GOLM1: variants seen among roughly 807,000 people sequenced by gnomAD.
The protein encoded by GOLM1 is golgi membrane protein 1.
Under a neutral mutation model 50.5 loss-of-function variants are expected in GOLM1, and 31 were observed. That is an observed-to-expected ratio of 0.61 (90% CI 0.46 to 0.83). The LOEUF (loss-of-function observed/expected upper bound fraction) is 0.83, where lower values mean the gene tolerates loss of function less well. Ranked by LOEUF, GOLM1 falls within the 40% of genes least tolerant of loss-of-function variation. The pLI, the probability that GOLM1 is intolerant of heterozygous loss-of-function variation, is 0.00. For missense variants in GOLM1, 491 were observed against 501.3 expected, an observed-to-expected ratio of 0.98 and a Z score of 0.20; for synonymous variants, 178 against 192.8, an observed-to-expected ratio of 0.92 and a Z score of 0.64.
chr9:86,098,957 C>A (rs928624258), intron 1 of GOLM1, among the ~76,000 whole-genome samples: 3 of 152,180 alleles, frequency 2.0e-5, no homozygotes, highest in Non-Finnish European at 4.4e-5. Context: ...GAAGAGGCGG[C>A]GGGAGCCGAG....
chr9:86,040,625 C>T (rs1833310640), intron 6 of GOLM1, 114 bp downstream of exon 6: 1 of 978,160 alleles, frequency 1.0e-6, no homozygotes, highest in Non-Finnish European at 1.5e-6. Flanking sequence ...CTCAGGGAGC[C>T]AAGCCCGCAA....
intron 8 of GOLM1, among the ~76,000 whole-genome samples, chr9:86,034,050 C>T (rs1359013179): frequency 1.3e-5 from 2 of 151,516 alleles, no homozygotes; most frequent in East Asian, 3.9e-4. Context: ...CTGCAACCTC[C>T]GCCTCCGGGG....
chr9:86,026,257 A>G lies in GOLM1; in HGVS notation c.*1560T>C. On this transcript the variant is annotated 3_prime_UTR_variant, in exon 10 of 10. Transcript: ENST00000388712. ...GAGAAAATTCCTATCAACCCCAAGG[A>G]GGACTCAAAGTGAGGCTGGAAGAGG... 1 of 985,086 alleles carries G rather than the reference A, an allele frequency of 1.0e-6. No individual in the cohort carries two copies. The highest frequency in any genetic ancestry group is 1.2e-6 in the Non-Finnish European group (1 of 829,606). The allele number at this position is 985,086 out of a possible 1,614,324, so 61.0% of individuals were successfully genotyped here. A position where few individuals can be genotyped will look rare whatever the true frequency, so the allele number is the denominator to read the frequency against.
chr9:86,086,315 GTTTTT>G (rs200568454), intron 1 of GOLM1, among the ~76,000 whole-genome samples: 1 of 151,150 alleles, frequency 6.6e-6, no homozygotes, highest in East Asian at 1.9e-4. Context: ...TTTTTGATGG[GTTTTT>G]TTTTCTTGTA....
chr9:86,052,778 A>G (rs1248514977), intron 3 of GOLM1, among the ~76,000 whole-genome samples, 187 bp from the exon 4 acceptor site: 1 of 151,958 alleles, frequency 6.6e-6, no homozygotes, highest in East Asian at 1.9e-4. Context: ...CGACCTAGAG[A>G]TCCGCTCCCC....
At chr9:86,091,180 C>T (rs545431783) in intron 1 of GOLM1, among the ~76,000 whole-genome samples, 4 of 125,512 alleles carry the variant, frequency 3.2e-5, no homozygotes, top group Non-Finnish European at 5.3e-5. Context: ...CTGGGAGCTG[C>T]GGACCAGAGC....
At chr9:86,088,551 A>G (rs1835063900) in intron 1 of GOLM1, among the ~76,000 whole-genome samples, 1 of 139,336 alleles carries the variant, frequency 7.2e-6, no homozygotes, top group African/African-American at 2.8e-5. Flanking sequence ...GTTTTTTCAG[A>G]GGATTGCAAC....
chr9:86,091,198 A>G (rs956042711), intron 1 of GOLM1, among the ~76,000 whole-genome samples: 1 of 152,032 alleles, frequency 6.6e-6, no homozygotes, highest in Non-Finnish European at 1.5e-5. Context: ...AGCTGTTGCT[A>G]TTTGGCCATC....
chr9:86,063,152 G>A (rs1834209897), intron 3 of GOLM1, among the ~76,000 whole-genome samples: 1 of 152,258 alleles, frequency 6.6e-6, no homozygotes, highest in Non-Finnish European at 1.5e-5. Context: ...AGGAGCGGGG[G>A]CTTGAAAAGC....
Position 86,052,557 on chromosome 9 carries a change from C to A in GOLM1, c.344G>T (p.Arg115Met). 1 of 1,613,780 alleles carries A rather than the reference C, an allele frequency of 6.2e-7. No individual in the cohort carries two copies. The highest frequency in any genetic ancestry group is 1.3e-5 in the African/African-American group (1 of 75,018). The change falls in exon 4 of 10, where the codon AGG (arginine) becomes ATG (methionine). Residue 115 changes from arginine to methionine, a missense_variant. Physicochemically the swap from Arg to Met is moderately conservative, Grantham distance 91. Transcript: ENST00000388712. Reference protein sequence around the residue: ...VLVNNITTGERLIRVLQDQLK... With the variant: ...VLVNNITTGEMLIRVLQDQLK... ...CTTACCTTGCAGCACTCGGATGAGC[C>A]TCTCACCTGTGGTGATGTTATTCAC... is the stretch of plus-strand genomic sequence containing the variant.
At chr9:86,045,670 T>TTAA (rs1833513826) in intron 5 of GOLM1, among the ~76,000 whole-genome samples, 3 of 130,212 alleles carry the variant, frequency 2.3e-5, no homozygotes, top group African/African-American at 6.9e-5. Flanking sequence ...GAGACTCCGC[T>TTAA]CAAGAAAAAA....
chr9:86,038,809 C>A (rs1430860057), intron 6 of GOLM1, among the ~76,000 whole-genome samples: 2 of 152,134 alleles, frequency 1.3e-5, no homozygotes, highest in African/African-American at 4.8e-5. Context: ...AAATGAATCA[C>A]AGGCTTAAAC....
intron 3 of GOLM1, among the ~76,000 whole-genome samples, chr9:86,070,193 C>T (rs200737058): frequency 6.6e-6 from 1 of 152,096 alleles, no homozygotes; most frequent in East Asian, 1.9e-4. Flanking sequence ...TAAAGCCAAT[C>T]TTTTTAGAGA....
intron 6 of GOLM1, among the ~76,000 whole-genome samples, chr9:86,038,551 G>C (rs571673707): frequency 1.3e-5 from 2 of 152,260 alleles, no homozygotes; most frequent in South Asian, 4.1e-4. Flanking sequence ...GGTAGGGAGT[G>C]GGTACTGAAG....
chr9:86,056,243 C>CA (rs74350555), intron 3 of GOLM1, among the ~76,000 whole-genome samples: 6,424 of 151,830 alleles, frequency 0.042, 430 homozygotes, highest in East Asian at 0.31. Context: ...TTTATTCTTC[C>CA]AAAAAAATAT....
chr9:86,039,280 G>T (rs1471649735), intron 6 of GOLM1, among the ~76,000 whole-genome samples: 3 of 152,148 alleles, frequency 2.0e-5, no homozygotes, highest in Non-Finnish European at 4.4e-5. Flanking sequence ...GCTAGGAAGG[G>T]TATCATGAAA....
intron 1 of GOLM1, among the ~76,000 whole-genome samples, chr9:86,085,201 G>A (rs1378837576): frequency 6.6e-6 from 1 of 152,178 alleles, no homozygotes; most frequent in Non-Finnish European, 1.5e-5. Flanking sequence ...AATCTCATTA[G>A]TGATATTTTC....
At chr9:86,054,947 CGTG>C (rs1451268101) in intron 3 of GOLM1, among the ~76,000 whole-genome samples, 1 of 152,158 alleles carries the variant, frequency 6.6e-6, no homozygotes, top group African/African-American at 2.4e-5. Flanking sequence ...CTGCCCATAA[CGTG>C]GAGACACATT....
chr9:86,069,515 T>C (rs1165763613), intron 3 of GOLM1, among the ~76,000 whole-genome samples: 1 of 152,172 alleles, frequency 6.6e-6, no homozygotes, highest in African/African-American at 2.4e-5. Flanking sequence ...TCTGAAGTAT[T>C]TACTCTCGAA....
Sources: gnomAD v4.1 joint callset for allele counts (sites outside exome capture counted in the v4.1 genomes callset) on GRCh38, gnomAD v4.1.1 for gene constraint, MANE v1.5 for transcripts, NCBI Gene and HGNC (gene_info 2026-07-23, HGNC 2026-07-21) for gene names.